CDKAL1: variants seen among roughly 807,000 people sequenced by gnomAD.
CDKAL1 encodes threonylcarbamoyladenosine tRNA methylthiotransferase.
CDKAL1 carries 32 observed loss-of-function variants against 68.2 expected under a neutral mutation model. The observed-to-expected ratio is 0.47, with a 90% CI of 0.35 to 0.63. The LOEUF is 0.63. Among genes scored for constraint, CDKAL1 ranks in the 30% least tolerant of loss-of-function variants. CDKAL1 has a pLI of 0.00. For synonymous variants in CDKAL1, 234 were observed against 244.3 expected (o/e 0.96, Z 0.39); for missense variants, 606 against 696.7 (o/e 0.87, Z 1.47).
At chr6:21,140,311 C>T (rs1260373540) in intron 13 of CDKAL1, among the ~76,000 whole-genome samples, 1 of 152,190 alleles carries the variant, frequency 6.6e-6, no homozygotes, top group Non-Finnish European at 1.5e-5. Flanking sequence ...CTCTTGCCGA[C>T]TGGAATTGTA....
chr6:20,901,879 C>G (rs970328463), intron 9 of CDKAL1, among the ~76,000 whole-genome samples: 2 of 151,308 alleles, frequency 1.3e-5, no homozygotes, highest in Admixed American at 6.6e-5. Flanking sequence ...CGGGCTCAAG[C>G]AATTTTCATG....
chr6:21,190,719 T>C (rs1778203188), intron 13 of CDKAL1, among the ~76,000 whole-genome samples: 1 of 152,192 alleles, frequency 6.6e-6, no homozygotes, highest in Admixed American at 6.5e-5. Context: ...AAAAAATAAT[T>C]GTCAGCAGCT....
chr6:20,686,704 G>A (rs1343053049), intron 5 of CDKAL1, among the ~76,000 whole-genome samples: 3 of 152,176 alleles, frequency 2.0e-5, no homozygotes, highest in Non-Finnish European at 2.9e-5. Context: ...GGGGGCCACT[G>A]AACTAGGACA....
intron 9 of CDKAL1, among the ~76,000 whole-genome samples, chr6:20,907,472 C>T (rs771877116): frequency 5.9e-5 from 9 of 151,342 alleles, no homozygotes; most frequent in Admixed American, 1.3e-4. Flanking sequence ...TGGAACATAA[C>T]GTTAAAAAAT....
intron 4 of CDKAL1, among the ~76,000 whole-genome samples, chr6:20,593,414 C>T (rs1298407404): frequency 6.6e-6 from 1 of 151,954 alleles, no homozygotes; most frequent in South Asian, 2.1e-4. Flanking sequence ...TGTATGTGTC[C>T]AGGAATATAT....
intron 9 of CDKAL1, among the ~76,000 whole-genome samples, chr6:20,953,273 A>G (rs1037861303): frequency 6.6e-6 from 1 of 152,148 alleles, no homozygotes; most frequent in East Asian, 1.9e-4. Context: ...CTGTTTCTCT[A>G]TGGATGTTAT....
chr6:21,183,544 A>G (rs1777882726), intron 13 of CDKAL1, among the ~76,000 whole-genome samples: 1 of 152,226 alleles, frequency 6.6e-6, no homozygotes, highest in South Asian at 2.1e-4. Context: ...ACTTGAAATT[A>G]AAATTCCCTC....
chr6:20,871,440 A>T (rs1760210177), intron 9 of CDKAL1, among the ~76,000 whole-genome samples: 1 of 152,236 alleles, frequency 6.6e-6, no homozygotes, highest in Admixed American at 6.5e-5. Flanking sequence ...TAGAATTGGT[A>T]AATTTTGGCA....
chr6:21,021,123 A>T (rs1004413677), intron 11 of CDKAL1, among the ~76,000 whole-genome samples: 1 of 152,210 alleles, frequency 6.6e-6, no homozygotes, highest in African/African-American at 2.4e-5. Context: ...GAGCACAGGC[A>T]TAGGGCCAGT....
At chr6:21,159,912 G>T (rs1456189257) in intron 13 of CDKAL1, among the ~76,000 whole-genome samples, 1 of 152,216 alleles carries the variant, frequency 6.6e-6, no homozygotes, top group African/African-American at 2.4e-5. Context: ...ACAAGAGTGG[G>T]AGATTATTGA....
At chr6:21,151,468 C>A (rs1343535469) in intron 13 of CDKAL1, among the ~76,000 whole-genome samples, 1 of 151,454 alleles carries the variant, frequency 6.6e-6, no homozygotes, top group Admixed American at 6.6e-5. Context: ...GCCCTGTGAC[C>A]TGTTTTGTTC....
At chr6:20,755,789 G>T (rs1260877539) in intron 6 of CDKAL1, among the ~76,000 whole-genome samples, 3 of 152,142 alleles carry the variant, frequency 2.0e-5, no homozygotes, top group Non-Finnish European at 4.4e-5. Flanking sequence ...ATAAATTCAT[G>T]GTCTCATATT....
intron 9 of CDKAL1, among the ~76,000 whole-genome samples, chr6:20,855,277 T>G (rs1759265582): frequency 6.6e-6 from 1 of 151,568 alleles, no homozygotes; most frequent in African/African-American, 2.4e-5. Context: ...AACCCATCTC[T>G]ACTAAAAATA....
rs66763305 is a variant in CDKAL1 at position 21,072,676 on chromosome 6, C to CTTTT, written c.1236+7460_1236+7463dup. Among the ~76,000 whole-genome samples, 298 of 131,142 alleles carry CTTTT rather than the reference C, an allele frequency of 2.3e-3. 3 individuals carry two copies. Among genetic ancestry groups the CTTTT allele is most frequent in the Admixed American group, 4.3e-3 (56 of 13,072 alleles). The allele number at this position is 131,142 out of a possible 152,430, so 86.0% of individuals were successfully genotyped here. A position where few individuals can be genotyped will look rare whatever the true frequency, so the allele number is the denominator to read the frequency against. ...GTCACCCAGGCCTGGAATAGAGTAT[C>CTTTT]TTTTTTTTTTTTTTTGTCTTTATTT... On this transcript the variant is annotated intron_variant, in intron 12 of 15. Transcript: ENST00000274695.
At chr6:21,013,149 T>C (rs748843933) in intron 11 of CDKAL1, among the ~76,000 whole-genome samples, 5 of 152,138 alleles carry the variant, frequency 3.3e-5, no homozygotes, top group African/African-American at 4.8e-5. Flanking sequence ...CCTTCTGAGG[T>C]GGCTATGATA....
intron 2 of CDKAL1, among the ~76,000 whole-genome samples, chr6:20,544,468 C>T (rs12214315): frequency 0.23 from 35,079 of 150,934 alleles, 4,766 homozygotes; most frequent in Middle Eastern, 0.36. Context: ...TGGTGGCGCG[C>T]GCCTGTAGTC....
chr6:20,609,182 G>A (rs1581811712), intron 4 of CDKAL1, among the ~76,000 whole-genome samples: 1 of 151,966 alleles, frequency 6.6e-6, no homozygotes, highest in South Asian at 2.1e-4. Context: ...TGTATTTTTC[G>A]ATTTCCACCT....
At chr6:20,732,662 G>GTTA (rs2150315521) in intron 5 of CDKAL1, among the ~76,000 whole-genome samples, 1 of 152,210 alleles carries the variant, frequency 6.6e-6, no homozygotes, top group Admixed American at 6.5e-5. Flanking sequence ...CATAAGGCTA[G>GTTA]TTAAGCCCCT....
chr6:20,850,217 T>C (rs1307849919), intron 9 of CDKAL1, among the ~76,000 whole-genome samples: 1 of 152,154 alleles, frequency 6.6e-6, no homozygotes, highest in Non-Finnish European at 1.5e-5. Flanking sequence ...ACCAATAAAT[T>C]GTAGTACTAG....
Sources: gnomAD v4.1 joint callset for allele counts (sites outside exome capture counted in the v4.1 genomes callset) on GRCh38, gnomAD v4.1.1 for gene constraint, MANE v1.5 for transcripts, NCBI Gene and HGNC (gene_info 2026-07-23, HGNC 2026-07-21) for gene names.